CDH4: variants seen among roughly 807,000 people sequenced by gnomAD.
CDH4 encodes cadherin 4.
A neutral mutation model predicts 86.0 loss-of-function variants in CDH4; 33 were observed. That is an observed-to-expected ratio of 0.38 (90% CI 0.29 to 0.51). The LOEUF (loss-of-function observed/expected upper bound fraction) is 0.51, where lower values mean the gene tolerates loss of function less well. CDH4 is among the 20% of genes least tolerant of loss of function. The pLI is 0.86. For missense variants in CDH4, 1,114 were observed against 1,307.4 expected (o/e 0.85, Z 2.28); for synonymous variants, 555 against 549.4 (o/e 1.01, Z -0.14).
At chr20:61,485,507 G>A (rs1176568107) in intron 2 of CDH4, among the ~76,000 whole-genome samples, 1 of 152,234 alleles carries the variant, frequency 6.6e-6, no homozygotes, top group African/African-American at 2.4e-5. Context: ...ATCCAGCCCA[G>A]GCTCCTAAGG....
At position 61,681,187 on chromosome 20, in the gene CDH4, T is replaced by C. The variant is rs1225263446; in HGVS notation, c.170-62376T>C. The stretch of plus-strand genomic sequence containing the variant: ...CACCCGCCCTCACGTCCTAATGGCT[T>C]TTTTTCTCTTTCAGCCACACACAGT... On this transcript the variant is annotated intron_variant, in intron 2 of 15. Coordinates refer to ENST00000614565, the MANE Select transcript of CDH4 (RefSeq NM_001794.5). The surrounding 1 kb of genome is among the most constrained non-coding windows in gnomAD (Gnocchi z 4.5). 6.6e-6 allele frequency among the ~76,000 whole-genome samples: 1 copy of C among 152,200 alleles called. No individual in the cohort carries two copies. Among genetic ancestry groups the C allele is most frequent in the Non-Finnish European group, 1.5e-5 (1 of 68,034 alleles).
intron 2 of CDH4, among the ~76,000 whole-genome samples, chr20:61,532,448 A>T (rs2085962637): frequency 6.6e-6 from 1 of 152,212 alleles, no homozygotes; most frequent in Non-Finnish European, 1.5e-5. Flanking sequence ...GAGACCCTGA[A>T]ATCTGACCCC....
intron 14 of CDH4, 90 bp from the exon 15 acceptor site, chr20:61,933,964 CTG>C: frequency 6.9e-7 from 1 of 1,449,094 alleles, no homozygotes; most frequent in Non-Finnish European, 9.5e-7. Context: ...GCAGGTGCAT[CTG>C]TGGCCCAGGT....
At position 61,923,537 on chromosome 20, in the gene CDH4, C is replaced by T. The variant is rs1166256436; in HGVS notation, c.1461C>T (p.Ser487=). The T allele has an allele frequency of 6.2e-7, 1 of 1,614,228 alleles. No homozygotes were observed. The highest frequency in any genetic ancestry group is 8.5e-7 in the Non-Finnish European group (1 of 1,180,046). Residue 487 remains serine, a synonymous_variant, in exon 10 of 16, where the codon TCC becomes TCT. Coordinates refer to ENST00000614565, the MANE Select transcript of CDH4 (RefSeq NM_001794.5). The stretch of plus-strand genomic sequence containing the variant: ...CCCTGGCCAGCGGAATCCAGATGTC[C>T]TTCCAGTCCACGGCAGGGGTGACCA... The part of the protein sequence containing the change: ...QAPLASGIQM[S]FQSTAGVTIS...
rs920039052 is a variant in CDH4, at chr20:61,436,157, C to T, written c.169+181220C>T. On this transcript the variant is annotated intron_variant, in intron 2 of 15. Coordinates refer to ENST00000614565, the MANE Select transcript of CDH4 (RefSeq NM_001794.5). ...CTCGACTAGGTCAGGACCTCCTAGT[C>T]TCGGCTTCAACCCCCACCTTGGGCT... Among the ~76,000 whole-genome samples the T allele has an allele frequency of 2.6e-5, 4 of 152,160 alleles. No individual in the cohort carries two copies. The East Asian group carries it at 7.7e-4, about 29-fold the overall frequency.
chr20:61,279,219 G>A (rs749125779), intron 2 of CDH4, among the ~76,000 whole-genome samples: 4 of 152,218 alleles, frequency 2.6e-5, no homozygotes, highest in African/African-American at 4.8e-5. Flanking sequence ...AGGCTCCAGA[G>A]GGACACGGCG....
chr20:61,806,974 A>G (rs914730609), intron 4 of CDH4, among the ~76,000 whole-genome samples: 4 of 152,196 alleles, frequency 2.6e-5, no homozygotes, highest in Non-Finnish European at 5.9e-5. Flanking sequence ...GCTTCTCCAA[A>G]TCACAGCTAC....
intron 8 of CDH4, among the ~76,000 whole-genome samples, chr20:61,897,009 C>T (rs1029451490): frequency 3.9e-5 from 6 of 152,134 alleles, no homozygotes; most frequent in Admixed American, 1.3e-4. Context: ...GATGGAGAAC[C>T]GGCAGGATGT....
At chr20:61,314,046 G>A (rs2084462699) in intron 2 of CDH4, among the ~76,000 whole-genome samples, 1 of 152,212 alleles carries the variant, frequency 6.6e-6, no homozygotes, top group African/African-American at 2.4e-5. Context: ...ACAATGTGTT[G>A]ATTTTATATA....
At chr20:61,542,821 C>A (rs114678599) in intron 2 of CDH4, among the ~76,000 whole-genome samples, 8,453 of 152,190 alleles carry the variant, frequency 0.056, 791 homozygotes, top group African/African-American at 0.19. Flanking sequence ...GGAGAATTGA[C>A]CCTCAGGATC....
intron 2 of CDH4, among the ~76,000 whole-genome samples, chr20:61,729,235 T>C (rs546524120): frequency 6.6e-6 from 1 of 152,266 alleles, no homozygotes; most frequent in Non-Finnish European, 1.5e-5. Context: ...TTGGCGTGAG[T>C]GGGAGGACTT....
intron 2 of CDH4, among the ~76,000 whole-genome samples, chr20:61,318,936 C>T (rs182762598): frequency 5.3e-5 from 8 of 152,346 alleles, no homozygotes; most frequent in Admixed American, 5.2e-4. Flanking sequence ...TCCTTGCCCG[C>T]AATGATGCTG....
chr20:61,395,768 ACT>A (rs1262426103), intron 2 of CDH4, among the ~76,000 whole-genome samples: 1 of 152,080 alleles, frequency 6.6e-6, no homozygotes, highest in East Asian at 1.9e-4. Flanking sequence ...AAACAGGGAG[ACT>A]CTGTTTCAAA....
intron 2 of CDH4, among the ~76,000 whole-genome samples, chr20:61,330,299 T>G (rs528770896): frequency 6.6e-6 from 1 of 152,318 alleles, no homozygotes; most frequent in African/African-American, 2.4e-5. Context: ...TCACACTGTC[T>G]TCCACAATGG....
chr20:61,901,417 G>A lies in CDH4; in HGVS notation c.1188+6370G>A, dbSNP rs116867421. On this transcript the variant is annotated intron_variant, in intron 8 of 15. Coordinates refer to ENST00000614565, the MANE Select transcript of CDH4 (RefSeq NM_001794.5). ...AAGGAGCTGTGGTTTGTAGGTTTACGCTATCAATTTTCCAATGCAAGCAAT... is the reference window on the plus strand; with the variant it reads ...AAGGAGCTGTGGTTTGTAGGTTTACACTATCAATTTTCCAATGCAAGCAAT... 4.2e-3 allele frequency among the ~76,000 whole-genome samples: 639 copies of A among 152,392 alleles called. 2 individuals carry two copies. The highest frequency in any genetic ancestry group is 6.7e-3 in the Non-Finnish European group (459 of 68,040).
rs1193604226 is a variant in CDH4, at chr20:61,846,604, CAGAGACAGAGGCAT to C, written c.732+1791_732+1804del. On this transcript the variant is annotated intron_variant, in intron 5 of 15. Coordinates refer to ENST00000614565, the MANE Select transcript of CDH4 (RefSeq NM_001794.5). The stretch of plus-strand genomic sequence containing the variant: ...ACAGAGAAGAGAGACACAGGTAATA[CAGAGACAGAGGCAT>C]AGAGACAGAAATAAAGAGAGAGACT... Among the ~76,000 whole-genome samples the C allele has an allele frequency of 2.6e-5, 4 of 152,060 alleles. No homozygotes were observed. The East Asian group carries it at 7.7e-4, about 29-fold the overall frequency.
intron 5 of CDH4, among the ~76,000 whole-genome samples, chr20:61,851,805 C>A (rs369840125): frequency 8.5e-5 from 13 of 152,310 alleles, no homozygotes; most frequent in African/African-American, 3.1e-4. Flanking sequence ...CGAGAGGCCT[C>A]CCTGGCGGCC....
chr20:61,274,412 G>T (rs1403394584), intron 2 of CDH4, among the ~76,000 whole-genome samples: 4 of 125,238 alleles, frequency 3.2e-5, no homozygotes, highest in African/African-American at 1.2e-4. Flanking sequence ...TGTGCAGTTT[G>T]GGGGAGTACC....
chr20:61,592,119 C>T (rs2086523203), intron 2 of CDH4, among the ~76,000 whole-genome samples: 1 of 151,976 alleles, frequency 6.6e-6, no homozygotes, highest in Non-Finnish European at 1.5e-5. Context: ...GTTGAGCTAG[C>T]AACTCAAAAC....
Sources: allele counts gnomAD v4.1 joint callset (sites outside exome capture counted in the v4.1 genomes callset), GRCh38; gene constraint gnomAD v4.1.1; non-coding constraint Gnocchi (gnomAD v3.1); transcripts MANE v1.5; gene names NCBI Gene and HGNC (gene_info 2026-07-23, HGNC 2026-07-21).